Variants in GUCY1B1 observed in about 807,000 individuals in gnomAD.
The protein encoded by GUCY1B1 is guanylate cyclase 1 soluble subunit beta 1.
GUCY1B1 carries 43 observed loss-of-function variants against 71.0 expected under a neutral mutation model. The observed-to-expected ratio is 0.61, with a 90% CI of 0.47 to 0.78. GUCY1B1 has a LOEUF of 0.78. GUCY1B1 is among the 30% of genes least tolerant of loss of function. The pLI, the probability that GUCY1B1 is intolerant of heterozygous loss-of-function variation, is 0.00. For missense variants in GUCY1B1, 535 were observed against 754.1 expected (o/e 0.71, Z 3.40); for synonymous variants, 266 against 259.7 (o/e 1.02, Z -0.23).
Position 155,794,083 on chromosome 4 carries a change from C to T in GUCY1B1, c.723C>T (p.Pro241=). ...GCAATGCTATATACAGAGTTCTCCC[C>T]CAGGTAAAATGACAGCATACTTCCT... ...QCGNAIYRVL[P]QLQPGNCSLL... The change falls in exon 6 of 14, where the codon CCC becomes CCT. Residue 241 remains proline (P), a synonymous_variant. Coordinates refer to ENST00000264424, the MANE Select transcript of GUCY1B1 (RefSeq NM_000857.5). 1.3e-6 allele frequency: 2 copies of T among 1,560,540 alleles called. No homozygotes were observed. Among genetic ancestry groups the T allele is most frequent in the African/African-American group, 1.4e-5 (1 of 73,974 alleles).
intron 12 of GUCY1B1, 132 bp downstream of exon 12, chr4:155,804,879 G>T: frequency 1.2e-6 from 1 of 828,204 alleles, no homozygotes; most frequent in Non-Finnish European, 1.9e-6. Context: ...TTGTAGAGTT[G>T]TTTACTTTTT....
In GUCY1B1 at chr4:155,804,679, C is replaced by T; in HGVS notation, c.1641C>T (p.Val547=). 2 of 1,613,210 alleles carry T rather than the reference C, an allele frequency of 1.2e-6. No individual in the cohort carries two copies. Among genetic ancestry groups the T allele is most frequent in the Non-Finnish European group, 1.7e-6 (2 of 1,179,400 alleles). ...MPRYCLFGNT[V]NLTSRTETTG... ...GATACTGTCTTTTTGGGAATACTGT[C>T]AACCTCACAAGCCGAACAGAAACCA... Residue 547 remains valine (V), a synonymous_variant, in exon 12 of 14, where the codon GTC becomes GTT. Coordinates refer to ENST00000264424, the MANE Select transcript of GUCY1B1 (RefSeq NM_000857.5).
chr4:155,795,300 T>G (rs754972234), intron 6 of GUCY1B1, 41 bp from the exon 7 acceptor site: 4 of 976,190 alleles, frequency 4.1e-6, no homozygotes, highest in Non-Finnish European at 6.5e-6. Context: ...AAAAACTATT[T>G]TAACTGATGT....
At chr4:155,790,016 T>C (rs1263231530) in intron 5 of GUCY1B1, 105 bp downstream of exon 5, 2 of 750,408 alleles carry the variant, frequency 2.7e-6, no homozygotes, top group Admixed American at 2.6e-5. Flanking sequence ...TGCTCTTCCC[T>C]GGAAGTATAT....
At chr4:155,803,481 T>C (rs1295826055) in intron 10 of GUCY1B1, 143 bp from the exon 11 acceptor site, 2 of 472,618 alleles carry the variant, frequency 4.2e-6, no homozygotes, top group Non-Finnish European at 7.2e-6. Flanking sequence ...TGGAGTTGAA[T>C]ATATTAGAAT....
chr4:155,803,315 A>G (rs1206329534), intron 10 of GUCY1B1, among the ~76,000 whole-genome samples: 3 of 152,222 alleles, frequency 2.0e-5, no homozygotes, highest in Non-Finnish European at 4.4e-5. Context: ...GTAGAAATGT[A>G]AAAAATTATT....
At chr4:155,795,785 T>A (rs920736973) in intron 7 of GUCY1B1, among the ~76,000 whole-genome samples, 1 of 150,450 alleles carries the variant, frequency 6.6e-6, no homozygotes, top group African/African-American at 2.5e-5. Context: ...GGATTTTTTT[T>A]TTTGGAACTT....
chr4:155,797,421 A>C (rs1294403591), intron 8 of GUCY1B1, among the ~76,000 whole-genome samples: 1 of 152,172 alleles, frequency 6.6e-6, no homozygotes, highest in Non-Finnish European at 1.5e-5. Flanking sequence ...TATACATTAC[A>C]TAACAATAAT....
At position 155,759,838 on chromosome 4, in the gene GUCY1B1, C is replaced by T. The variant is rs1736844608; in HGVS notation, c.55C>T (p.Pro19Ser). The T allele has an allele frequency of 6.2e-7, 1 of 1,612,760 alleles. No homozygotes were observed. The highest frequency in any genetic ancestry group is 1.1e-5 in the South Asian group (1 of 91,044). The change falls in exon 2 of 14, where the codon CCC becomes TCC. Residue 19 changes from proline to serine, a missense_variant. By Grantham distance (74) the Pro-to-Ser change is moderately conservative. Transcript: ENST00000264424. ...GTTGCTGGTGATCCGCAATTACGGCCCCGAGGTGTGGGAAGACATCAAGTA... is the reference window on the plus strand; with the variant it reads ...GTTGCTGGTGATCCGCAATTACGGCTCCGAGGTGTGGGAAGACATCAAGTA... Reference protein sequence around the residue: ...LELLVIRNYGPEVWEDIKKEA... With the variant: ...LELLVIRNYGSEVWEDIKKEA...
At position 155,795,321 on chromosome 4, in the gene GUCY1B1, GCT is replaced by G; in HGVS notation, c.727-15_727-14del. On this transcript the variant is annotated intron_variant, in intron 6 of 13. Transcript: ENST00000264424. ...TATTTTAACTGATGTGATACTCTTT[GCT>G]CTCTATCTATATTTTAGCTCCAGCC... 7.9e-7 allele frequency: 1 copy of G among 1,258,472 alleles called. No homozygotes were observed. The highest frequency in any genetic ancestry group is 1.2e-6 in the Non-Finnish European group (1 of 861,144). The allele number at this position is 1,258,472 out of a possible 1,614,324, so 78.0% of individuals were successfully genotyped here. A position where few individuals can be genotyped will look rare whatever the true frequency, so the allele number is the denominator to read the frequency against.
intron 10 of GUCY1B1, 114 bp from the exon 11 acceptor site, chr4:155,803,510 G>T: frequency 1.7e-6 from 1 of 579,794 alleles, no homozygotes; most frequent in Non-Finnish European, 2.7e-6. Context: ...AATTAAAGGG[G>T]GAGGGAAGCT....
chr4:155,795,381 T>A lies in GUCY1B1; in HGVS notation c.767T>A (p.Leu256Gln). ...GNCSLLSVFS[L>Q]VRPHIDISFH... ...TGCAGCCTTCTGTCTGTCTTCTCGCTGGTTCGTCCTCATATTGATATTAGT... is the reference window on the plus strand; with the variant it reads ...TGCAGCCTTCTGTCTGTCTTCTCGCAGGTTCGTCCTCATATTGATATTAGT... The change falls in exon 7 of 14, where the codon CTG becomes CAG. Residue 256 changes from leucine (L) to glutamine (Q), a missense_variant. By Grantham distance (113) the Leu-to-Gln change is moderately radical. Transcript: ENST00000264424. 1 of 1,611,282 alleles carries A rather than the reference T, an allele frequency of 6.2e-7. No individual in the cohort carries two copies. Among genetic ancestry groups the A allele is most frequent in the Non-Finnish European group, 8.5e-7 (1 of 1,177,688 alleles).
At chr4:155,782,073 TTTA>T (rs3078489) in intron 4 of GUCY1B1, among the ~76,000 whole-genome samples, 3 of 151,300 alleles carry the variant, frequency 2.0e-5, no homozygotes, top group Admixed American at 6.6e-5. Context: ...TTTTTAATGT[TTTA>T]TTATTATTAT....
Position 155,806,733 on chromosome 4 carries a change from A to G in GUCY1B1, c.*324A>G. On this transcript the variant is annotated 3_prime_UTR_variant, in exon 14 of 14. Coordinates refer to ENST00000264424, the MANE Select transcript of GUCY1B1 (RefSeq NM_000857.5). ...GTAGGCACCCAATAAATATTTGTTGAATTTAGTTAAATGAAACTGAACAGT... is the reference window on the plus strand; with the variant it reads ...GTAGGCACCCAATAAATATTTGTTGGATTTAGTTAAATGAAACTGAACAGT... The G allele has an allele frequency of 3.5e-6, 1 of 286,414 alleles. No homozygotes were observed. Among genetic ancestry groups the G allele is most frequent in the Non-Finnish European group, 6.5e-6 (1 of 154,152 alleles). 17.7% of individuals were successfully genotyped at this position (286,414 alleles called of 1,614,324 possible).
chr4:155,772,583 A>ATT, intron 2 of GUCY1B1: 5 of 514,070 alleles, frequency 9.7e-6, no homozygotes, highest in African/African-American at 2.0e-5. Context: ...CACCTGCCTA[A>ATT]TTTTTTTTTT....
At chr4:155,774,178 C>T (rs1226354984) in intron 2 of GUCY1B1, among the ~76,000 whole-genome samples, 2 of 152,190 alleles carry the variant, frequency 1.3e-5, no homozygotes, top group Admixed American at 6.5e-5. Flanking sequence ...GTTATCCCAA[C>T]GTCCAACCAG....
chr4:155,759,616 G>A (rs1447202743), intron 1 of GUCY1B1, 171 bp from the exon 2 acceptor site: 1 of 550,764 alleles, frequency 1.8e-6, no homozygotes, highest in South Asian at 2.4e-5. Context: ...TTGGGGGGTT[G>A]CGCCCCCACG....
chr4:155,795,525 A>G, intron 7 of GUCY1B1, 68 bp downstream of exon 7: 1 of 733,802 alleles, frequency 1.4e-6, no homozygotes, highest in Non-Finnish European at 2.4e-6. Flanking sequence ...TCAGGGGGGA[A>G]AATTATCACA....
intron 2 of GUCY1B1, among the ~76,000 whole-genome samples, chr4:155,761,020 C>G (rs573026641): frequency 6.6e-6 from 1 of 152,272 alleles, no homozygotes; most frequent in Non-Finnish European, 1.5e-5. Flanking sequence ...ATATTAAGCA[C>G]GAAAATGTAA....
Sources: gnomAD v4.1 joint callset for allele counts (sites outside exome capture counted in the v4.1 genomes callset) on GRCh38, gnomAD v4.1.1 for gene constraint, MANE v1.5 for transcripts, NCBI Gene and HGNC (gene_info 2026-07-23, HGNC 2026-07-21) for gene names.